The following SNTG2 variants were observed in gnomAD, a reference collection of about 807,000 sequenced individuals.
SNTG2 encodes the protein gamma-2-syntrophin.
SNTG2 carries 74 observed loss-of-function variants against 70.9 expected under a neutral mutation model. That is an observed-to-expected ratio of 1.04 (90% CI 0.86 to 1.27). The LOEUF (loss-of-function observed/expected upper bound fraction) is 1.27, where lower values mean the gene tolerates loss of function less well. Among genes scored for constraint, SNTG2 ranks in the 50% most tolerant of loss-of-function variants. The pLI, the probability that SNTG2 is intolerant of heterozygous loss-of-function variation, is 0.00. For synonymous variants in SNTG2, 278 were observed against 273.8 expected (o/e 1.02, Z -0.15); for missense variants, 717 against 690.7 (o/e 1.04, Z -0.43).
intron 14 of SNTG2, among the ~76,000 whole-genome samples, chr2:1,284,723 A>G (rs1249738880): frequency 6.6e-6 from 1 of 152,216 alleles, no homozygotes; most frequent in Non-Finnish European, 1.5e-5. Context: ...GCTGACGTCA[A>G]CTAAATCACC....
chr2:1,031,273 G>T (rs1660798040), intron 1 of SNTG2, among the ~76,000 whole-genome samples: 1 of 152,038 alleles, frequency 6.6e-6, no homozygotes, highest in East Asian at 1.9e-4. Flanking sequence ...GTTGGAGACA[G>T]GTCTGTCGCT....
intron 1 of SNTG2, among the ~76,000 whole-genome samples, chr2:1,015,939 A>C (rs1432849101): frequency 6.6e-6 from 1 of 152,236 alleles, no homozygotes; most frequent in Non-Finnish European, 1.5e-5. Flanking sequence ...AATGGTCAGT[A>C]TTACTTGTAA....
chr2:1,115,032 G>A (rs1320383702), intron 4 of SNTG2, among the ~76,000 whole-genome samples: 1 of 151,272 alleles, frequency 6.6e-6, no homozygotes, highest in Non-Finnish European at 1.5e-5. Flanking sequence ...ACTAAGTGAG[G>A]TTTAACGCTT....
chr2:1,015,346 AC>A (rs1659855313), intron 1 of SNTG2, among the ~76,000 whole-genome samples: 1 of 152,208 alleles, frequency 6.6e-6, no homozygotes, highest in African/African-American at 2.4e-5. Flanking sequence ...AAATTTGGCC[AC>A]ATTAAAATAA....
At chr2:1,177,099 A>T (rs1333188820) in intron 8 of SNTG2, among the ~76,000 whole-genome samples, 1 of 152,206 alleles carries the variant, frequency 6.6e-6, no homozygotes, top group Non-Finnish European at 1.5e-5. Flanking sequence ...TCAATGATAG[A>T]CTTGATAAAG....
intron 1 of SNTG2, among the ~76,000 whole-genome samples, chr2:1,050,237 A>C (rs1421454034): frequency 6.6e-6 from 1 of 152,198 alleles, no homozygotes; most frequent in Admixed American, 6.5e-5. Flanking sequence ...TTACAATTAC[A>C]ACTTTTCCCC....
At chr2:1,127,876 T>C (rs924414737) in intron 4 of SNTG2, among the ~76,000 whole-genome samples, 2 of 152,196 alleles carry the variant, frequency 1.3e-5, no homozygotes, top group Non-Finnish European at 2.9e-5. Flanking sequence ...TAGGTTTTTC[T>C]ATACAAGATC....
intron 6 of SNTG2, among the ~76,000 whole-genome samples, chr2:1,156,723 C>T (rs1019286444): frequency 3.3e-5 from 5 of 152,052 alleles, no homozygotes; most frequent in Non-Finnish European, 7.4e-5. Context: ...AGTGAGGTCC[C>T]GGCTGGAGAC....
At chr2:979,858 G>C (rs150352180) in intron 1 of SNTG2, among the ~76,000 whole-genome samples, 51 of 151,066 alleles carry the variant, frequency 3.4e-4, no homozygotes, top group Admixed American at 4.0e-4. Flanking sequence ...TTGTAACAAA[G>C]TTATTGCCAA....
At chr2:1,273,008 G>A (rs150910278) in intron 14 of SNTG2, among the ~76,000 whole-genome samples, 242 of 152,258 alleles carry the variant, frequency 1.6e-3, no homozygotes, top group African/African-American at 5.3e-3. Context: ...ATACGGATGC[G>A]CACCATCACC....
chr2:1,167,668 A>G (rs1670820792), intron 7 of SNTG2, among the ~76,000 whole-genome samples: 1 of 81,716 alleles, frequency 1.2e-5, no homozygotes, highest in Non-Finnish European at 2.4e-5. Context: ...AGCCGCCCAC[A>G]GACGGCAGAA....
intron 1 of SNTG2, among the ~76,000 whole-genome samples, chr2:983,436 T>G (rs1387941339): frequency 6.6e-6 from 1 of 150,830 alleles, no homozygotes; most frequent in Non-Finnish European, 1.5e-5. Flanking sequence ...CCATCTATCA[T>G]CACGCTCTGA....
intron 6 of SNTG2, among the ~76,000 whole-genome samples, chr2:1,150,859 C>T (rs1390134293): frequency 3.3e-5 from 5 of 151,996 alleles, no homozygotes; most frequent in South Asian, 2.1e-4. Context: ...GGCTCTGTCC[C>T]GGGGACTTGC....
Position 1,241,241 on chromosome 2 carries a change from G to A in SNTG2, c.888+1465G>A, listed in dbSNP as rs976462571. On this transcript the variant is annotated intron_variant, in intron 11 of 16. Coordinates refer to ENST00000308624, the MANE Select transcript of SNTG2 (RefSeq NM_018968.4). ...TTCTTCCCTGTTTCTCAGTTTGTTC[G>A]TCATGAGGACAGCCGTCCTCTCCCG... 3.3e-5 allele frequency among the ~76,000 whole-genome samples: 5 copies of A among 152,258 alleles called. No individual in the cohort carries two copies. In the South Asian group the frequency reaches 8.3e-4, roughly 25 times the overall value.
chr2:1,141,662 G>A lies in SNTG2; in HGVS notation c.411+3853G>A, dbSNP rs552836457. Among the ~76,000 whole-genome samples the A allele has an allele frequency of 1.2e-3, 177 of 152,270 alleles. 2 individuals are homozygous for A. The South Asian group carries it at 0.019, about 17-fold the overall frequency. The stretch of plus-strand genomic sequence containing the variant: ...CCTACAGCATGGCTTTTGGTTTTCC[G>A]TTTTCCAAAGGAAAAGCCATTCTAG... On this transcript the variant is annotated intron_variant, in intron 6 of 16. Coordinates refer to ENST00000308624, the MANE Select transcript of SNTG2 (RefSeq NM_018968.4).
At chr2:1,134,170 G>A (rs1220920841) in intron 4 of SNTG2, among the ~76,000 whole-genome samples, 42 of 152,158 alleles carry the variant, frequency 2.8e-4, no homozygotes, top group Admixed American at 2.7e-3. Context: ...AGCTCATAAA[G>A]GCAGCGTGGA....
chr2:1,355,790 C>T (rs1660821224), intron 16 of SNTG2, among the ~76,000 whole-genome samples: 1 of 152,166 alleles, frequency 6.6e-6, no homozygotes, highest in Non-Finnish European at 1.5e-5. Flanking sequence ...CACCAATTTA[C>T]CTTTCCACCC....
chr2:1,364,478 C>T lies in SNTG2; in HGVS notation c.1489-2865C>T, dbSNP rs566945404. On this transcript the variant is annotated intron_variant, in intron 16 of 16. Coordinates refer to ENST00000308624, the MANE Select transcript of SNTG2 (RefSeq NM_018968.4). Reference sequence around the variant, plus strand: ...CTATGTATAAAACCAAAACCCTGGCCGGGCGCGGTGGCTCACGCCTGTAAT... The same window carrying T: ...CTATGTATAAAACCAAAACCCTGGCTGGGCGCGGTGGCTCACGCCTGTAAT... 5.3e-5 allele frequency among the ~76,000 whole-genome samples: 8 copies of T among 151,360 alleles called. No homozygotes were observed. The East Asian group carries it at 1.2e-3, about 22-fold the overall frequency.
intron 8 of SNTG2, among the ~76,000 whole-genome samples, chr2:1,198,455 C>A (rs1673065495): frequency 6.6e-6 from 1 of 150,686 alleles, no homozygotes; most frequent in South Asian, 2.1e-4. Flanking sequence ...AAGAGACACA[C>A]ATCGAAAAAC....
Sources: allele counts gnomAD v4.1 joint callset (sites outside exome capture counted in the v4.1 genomes callset), GRCh38; gene constraint gnomAD v4.1.1; transcripts MANE v1.5; gene names NCBI Gene and HGNC (gene_info 2026-07-23, HGNC 2026-07-21).